The following CNOT6L variants were observed in gnomAD, a reference collection of about 807,000 sequenced individuals.
CNOT6L encodes the protein CCR4-NOT transcription complex subunit 6-like.
Under a neutral mutation model 64.0 loss-of-function variants are expected in CNOT6L, and 7 were observed. The observed-to-expected ratio is 0.11, with a 90% CI of 0.06 to 0.21. CNOT6L has a LOEUF of 0.21. Among genes scored for constraint, CNOT6L ranks in the 10% least tolerant of loss-of-function variants. The pLI is 1.00. For synonymous variants in CNOT6L, 193 were observed against 243.4 expected (o/e 0.79, Z 1.93); for missense variants, 245 against 669.0 (o/e 0.37, Z 6.99).
intron 1 of CNOT6L, among the ~76,000 whole-genome samples, chr4:77,811,054 G>A (rs974060227): frequency 6.6e-6 from 1 of 152,082 alleles, no homozygotes; most frequent in African/African-American, 2.4e-5. Context: ...TCCATGGTTG[G>A]CACTTCATTT....
At chr4:77,794,106 C>T (rs1393835752) in intron 1 of CNOT6L, among the ~76,000 whole-genome samples, 5 of 130,422 alleles carry the variant, frequency 3.8e-5, no homozygotes, top group African/African-American at 1.5e-4. Context: ...GAGCCCAGAT[C>T]GCACCACTGC....
chr4:77,749,588 A>T (rs924500411), intron 5 of CNOT6L, among the ~76,000 whole-genome samples: 4 of 152,258 alleles, frequency 2.6e-5, no homozygotes, highest in African/African-American at 9.6e-5. Context: ...AATCTTAACT[A>T]GTGTATCACA....
intron 1 of CNOT6L, chr4:77,818,910 GCTGCCGCGCGTGTGCCGC>G: frequency 3.7e-6 from 2 of 541,510 alleles, no homozygotes; most frequent in Non-Finnish European, 6.9e-6. Flanking sequence ...TCCCAGCCCC[GCTGCCGCGCGTGTGCCGC>G]ACTCACTCAG....
Position 77,758,850 on chromosome 4 carries a change from A to G in CNOT6L, c.401-1899T>C, listed in dbSNP as rs868791760. 8.6e-4 allele frequency among the ~76,000 whole-genome samples: 131 copies of G among 152,322 alleles called. 1 individual carries two copies. Among genetic ancestry groups the G allele is most frequent in the African/African-American group, 3.1e-3 (129 of 41,578 alleles). On this transcript the variant is annotated intron_variant, in intron 4 of 11. Coordinates refer to ENST00000504123, the MANE Select transcript of CNOT6L (RefSeq NM_144571.3). ...AGTAATGTTCTCCTTAGTAAGTACT[A>G]TCTTCAAAGGAAACTATTTTACCAG...
intron 1 of CNOT6L, among the ~76,000 whole-genome samples, chr4:77,814,295 G>A (rs1236892230): frequency 6.6e-5 from 10 of 152,096 alleles, no homozygotes. Context: ...AATTAACTAT[G>A]GTGATGGTTG....
At chr4:77,784,293 G>T (rs954076592) in intron 1 of CNOT6L, among the ~76,000 whole-genome samples, 1 of 151,976 alleles carries the variant, frequency 6.6e-6, no homozygotes, top group Non-Finnish European at 1.5e-5. Context: ...ACCAGACCTG[G>T]GGTTATAAAT....
At position 77,776,263 on chromosome 4, in the gene CNOT6L, C is replaced by G; in HGVS notation, c.127+8G>C. ...CATTCCAGATTAAATGCTTCAGATT[C>G]CACTCACCCGAGATTTCTAATTCTG... On this transcript the variant is annotated splice_region_variant and intron_variant, in intron 2 of 11. Coordinates refer to ENST00000504123, the MANE Select transcript of CNOT6L (RefSeq NM_144571.3). 1.2e-6 allele frequency: 2 copies of G among 1,609,736 alleles called. No individual in the cohort carries two copies. Among genetic ancestry groups the G allele is most frequent in the Non-Finnish European group, 1.7e-6 (2 of 1,179,148 alleles).
intron 11 of CNOT6L, among the ~76,000 whole-genome samples, chr4:77,720,980 T>A (rs1337230394): frequency 6.6e-6 from 1 of 152,230 alleles, no homozygotes; most frequent in East Asian, 1.9e-4. Context: ...ATGGAGCCTG[T>A]ACTAATCCTA....
At chr4:77,749,906 A>G (rs1272654556) in intron 5 of CNOT6L, among the ~76,000 whole-genome samples, 1 of 152,320 alleles carries the variant, frequency 6.6e-6, no homozygotes, top group East Asian at 1.9e-4. Flanking sequence ...GATCAGCCCT[A>G]TCTTCTTTAA....
chr4:77,773,124 A>G lies in CNOT6L; in HGVS notation c.357T>C (p.Tyr119=). 1 of 1,603,372 alleles carries G rather than the reference A, an allele frequency of 6.2e-7. No homozygotes were observed. The highest frequency in any genetic ancestry group is 8.5e-7 in the Non-Finnish European group (1 of 1,177,178). The change falls in exon 4 of 12, where the codon TAT becomes TAC. Residue 119 remains tyrosine, a synonymous_variant. Coordinates refer to ENST00000504123, the MANE Select transcript of CNOT6L (RefSeq NM_144571.3). ...GTAGCTGGAAGAGCCGACCAAGTTC[A>G]TAAGGCAAAACCCGTAACAGATTGT... The part of the protein sequence containing the change: ...LNNNLLRVLP[Y]ELGRLFQLQT...
At position 77,740,120 on chromosome 4, in the gene CNOT6L, A is replaced by C. The variant is rs571533918; in HGVS notation, c.872+2021T>G. Among the ~76,000 whole-genome samples the C allele has an allele frequency of 1.2e-4, 19 of 152,288 alleles. 1 individual carries two copies. In the South Asian group the frequency reaches 3.9e-3, roughly 32 times the overall value. ...CACGGTGGCTTACGTCTGTAATCCC[A>C]GCACTGTGGGAGGCTGAGGCGGGTG... On this transcript the variant is annotated intron_variant, in intron 8 of 11. Coordinates refer to ENST00000504123, the MANE Select transcript of CNOT6L (RefSeq NM_144571.3).
chr4:77,768,845 G>C (rs920222239), intron 4 of CNOT6L, among the ~76,000 whole-genome samples: 2 of 152,082 alleles, frequency 1.3e-5, no homozygotes, highest in Non-Finnish European at 2.9e-5. Context: ...ATTATTTTGA[G>C]TAGAATCTTT....
intron 11 of CNOT6L, 136 bp from the exon 12 acceptor site, chr4:77,720,779 C>T: frequency 1.3e-6 from 1 of 753,016 alleles, no homozygotes; most frequent in East Asian, 2.7e-5. Context: ...AAATAAGGCT[C>T]AAATATTCAA....
At chr4:77,745,496 T>C (rs1432776984) in intron 6 of CNOT6L, among the ~76,000 whole-genome samples, 3 of 152,160 alleles carry the variant, frequency 2.0e-5, no homozygotes, top group Non-Finnish European at 4.4e-5. Context: ...ACCAGCAGCA[T>C]CAGTAATCAA....
intron 8 of CNOT6L, among the ~76,000 whole-genome samples, chr4:77,737,295 G>A (rs1723063752): frequency 6.6e-6 from 1 of 151,860 alleles, no homozygotes; most frequent in South Asian, 2.1e-4. Context: ...TGTGTTCTTG[G>A]TCCCTTTAAG....
At chr4:77,794,089 T>G (rs1577992891) in intron 1 of CNOT6L, among the ~76,000 whole-genome samples, 1 of 127,268 alleles carries the variant, frequency 7.9e-6, no homozygotes, top group Non-Finnish European at 1.6e-5. Flanking sequence ...AAGGCGGAGG[T>G]TGCAGTGAGC....
intron 4 of CNOT6L, among the ~76,000 whole-genome samples, chr4:77,759,663 GA>G (rs2110010386): frequency 6.6e-6 from 1 of 151,948 alleles, no homozygotes; most frequent in South Asian, 2.1e-4. Context: ...GCGACAACAG[GA>G]GCTAGAATAC....
chr4:77,763,596 GTCAAAAAT>G (rs566731026), intron 4 of CNOT6L, among the ~76,000 whole-genome samples: 190 of 152,090 alleles, frequency 1.2e-3, no homozygotes, highest in South Asian at 0.01. Context: ...AAAGCCAACA[GTCAAAAAT>G]TTCTAAAGAC....
intron 4 of CNOT6L, among the ~76,000 whole-genome samples, chr4:77,760,368 C>CTT (rs1726060119): frequency 6.6e-6 from 1 of 151,794 alleles, no homozygotes; most frequent in Non-Finnish European, 1.5e-5. Context: ...GACTGAGACC[C>CTT]TGTCTCAAAA....
Sources: gnomAD v4.1 joint callset for allele counts (sites outside exome capture counted in the v4.1 genomes callset) on GRCh38, gnomAD v4.1.1 for gene constraint, MANE v1.5 for transcripts, NCBI Gene and HGNC (gene_info 2026-07-23, HGNC 2026-07-21) for gene names.